Variants in ADGRB3 observed in about 807,000 individuals in gnomAD.
The protein encoded by ADGRB3 is brain-specific angiogenesis inhibitor 3.
A neutral mutation model predicts 193.4 loss-of-function variants in ADGRB3; 37 were observed. The observed-to-expected ratio is 0.19, with a 90% CI of 0.15 to 0.25. The LOEUF (loss-of-function observed/expected upper bound fraction) is 0.25. Ranked by LOEUF, ADGRB3 falls within the 10% of genes least tolerant of loss-of-function variation. The pLI is 1.00. For missense variants in ADGRB3, 1,637 were observed against 1,852.9 expected (o/e 0.88, Z 2.14); for synonymous variants, 690 against 644.2 (o/e 1.07, Z -1.08).
intron 17 of ADGRB3, among the ~76,000 whole-genome samples, chr6:69,163,369 A>G (rs931151162): frequency 2.6e-5 from 4 of 152,094 alleles, no homozygotes; most frequent in African/African-American, 9.7e-5. Flanking sequence ...TTCTACCTCT[A>G]TTGCAACCAG....
intron 3 of ADGRB3, among the ~76,000 whole-genome samples, chr6:68,916,849 C>A (rs956255669): frequency 6.6e-6 from 1 of 152,084 alleles, no homozygotes; most frequent in African/African-American, 2.4e-5. Context: ...TAGGCTGGGG[C>A]AGATTCTACT....
chr6:69,338,872 A>ATATTTTG, intron 24 of ADGRB3, 44 bp from the exon 25 acceptor site: 1 of 1,564,980 alleles, frequency 6.4e-7, no homozygotes, highest in South Asian at 1.2e-5. Flanking sequence ...TTTGGTGACA[A>ATATTTTG]TTCAATATTT....
chr6:69,212,858 C>T (rs1765696699), intron 17 of ADGRB3, among the ~76,000 whole-genome samples: 1 of 152,092 alleles, frequency 6.6e-6, no homozygotes, highest in Admixed American at 6.6e-5. Context: ...GCCTGTGATA[C>T]CTCTTTTCAG....
intron 3 of ADGRB3, among the ~76,000 whole-genome samples, chr6:68,844,325 G>GA (rs1208206073): frequency 2.0e-5 from 3 of 151,310 alleles, no homozygotes; most frequent in Non-Finnish European, 3.0e-5. Context: ...AACTCTATAA[G>GA]AAAAAAAATC....
chr6:68,857,345 A>G (rs910699027), intron 3 of ADGRB3, among the ~76,000 whole-genome samples: 6 of 152,186 alleles, frequency 3.9e-5, no homozygotes, highest in African/African-American at 1.2e-4. Context: ...ATGCCAACCC[A>G]TGAGAGCAGC....
chr6:69,035,631 A>G (rs910198011), intron 13 of ADGRB3, among the ~76,000 whole-genome samples: 6 of 152,168 alleles, frequency 3.9e-5, no homozygotes, highest in African/African-American at 1.4e-4. Flanking sequence ...TTCAATTTAT[A>G]CTTAAAACCT....
At chr6:69,151,462 C>T (rs1187007210) in intron 17 of ADGRB3, among the ~76,000 whole-genome samples, 1 of 152,172 alleles carries the variant, frequency 6.6e-6, no homozygotes, top group Non-Finnish European at 1.5e-5. Flanking sequence ...ATGGTTGCTG[C>T]TGGAGAATGG....
chr6:69,357,993 G>T (rs559033427), intron 28 of ADGRB3, among the ~76,000 whole-genome samples: 1 of 151,818 alleles, frequency 6.6e-6, no homozygotes, highest in African/African-American at 2.4e-5. Context: ...TGATTTGTCC[G>T]GGTTTAGAAG....
intron 17 of ADGRB3, among the ~76,000 whole-genome samples, chr6:69,218,117 C>T (rs935608232): frequency 4.1e-5 from 6 of 147,568 alleles, no homozygotes; most frequent in Non-Finnish European, 9.0e-5. Flanking sequence ...GCCTGCCTTA[C>T]ATTGCAAAAA....
chr6:69,314,368 A>C (rs1768265453), intron 20 of ADGRB3, among the ~76,000 whole-genome samples: 1 of 151,692 alleles, frequency 6.6e-6, no homozygotes, highest in African/African-American at 2.4e-5. Context: ...ACATTTAGAA[A>C]TTGCTTTTAT....
At chr6:68,989,073 G>A (rs938863996) in intron 10 of ADGRB3, among the ~76,000 whole-genome samples, 2 of 151,988 alleles carry the variant, frequency 1.3e-5, no homozygotes, top group Non-Finnish European at 2.9e-5. Flanking sequence ...GGCACTTGGG[G>A]CTCCCAAAAG....
intron 17 of ADGRB3, among the ~76,000 whole-genome samples, chr6:69,168,188 C>A (rs1448207137): frequency 6.6e-6 from 1 of 151,990 alleles, no homozygotes; most frequent in Non-Finnish European, 1.5e-5. Context: ...TCGATGCCTA[C>A]CAAGGAAAGT....
intron 3 of ADGRB3, among the ~76,000 whole-genome samples, chr6:68,766,427 A>G (rs1766509573): frequency 1.3e-5 from 2 of 151,932 alleles, no homozygotes; most frequent in Non-Finnish European, 2.9e-5. Flanking sequence ...TTATACACTC[A>G]ATAGTTCTAT....
intron 3 of ADGRB3, among the ~76,000 whole-genome samples, chr6:68,883,788 C>A (rs1017708151): frequency 1.3e-5 from 2 of 152,142 alleles, no homozygotes; most frequent in Non-Finnish European, 2.9e-5. Flanking sequence ...CACTCACCGC[C>A]AGGGTCTGCG....
At chr6:68,997,375 G>T (rs992938415) in intron 11 of ADGRB3, among the ~76,000 whole-genome samples, 3 of 151,298 alleles carry the variant, frequency 2.0e-5, no homozygotes, top group Non-Finnish European at 4.4e-5. Flanking sequence ...AGGCGCAGTG[G>T]CTCATGTCTG....
intron 3 of ADGRB3, among the ~76,000 whole-genome samples, chr6:68,920,733 T>A (rs1562086487): frequency 6.6e-6 from 1 of 151,624 alleles, no homozygotes; most frequent in African/African-American, 2.4e-5. Context: ...CCATTCTCTG[T>A]GAAAGAATAT....
intron 3 of ADGRB3, among the ~76,000 whole-genome samples, chr6:68,654,599 C>T (rs780430068): frequency 2.6e-5 from 4 of 151,790 alleles, no homozygotes; most frequent in African/African-American, 7.3e-5. Context: ...CACAAATCCA[C>T]ATATACACTT....
chr6:68,659,275 A>G (rs1255882170), intron 3 of ADGRB3, among the ~76,000 whole-genome samples: 4 of 150,862 alleles, frequency 2.7e-5, no homozygotes, highest in Non-Finnish European at 6.0e-5. Context: ...CCTCAGAGGA[A>G]CTAATCAAAA....
chr6:69,316,373 T>A (rs1343902219), intron 20 of ADGRB3, among the ~76,000 whole-genome samples: 1 of 151,374 alleles, frequency 6.6e-6, no homozygotes, highest in Non-Finnish European at 1.5e-5. Context: ...CAAGTAACAT[T>A]AGAAAAGGAA....
Sources: allele counts gnomAD v4.1 joint callset (sites outside exome capture counted in the v4.1 genomes callset), GRCh38; gene constraint gnomAD v4.1.1; transcripts MANE v1.5; gene names NCBI Gene and HGNC (gene_info 2026-07-23, HGNC 2026-07-21).